Variants in BICRAL observed in about 807,000 individuals in gnomAD.
The protein encoded by BICRAL is BRD4-interacting chromatin-remodeling complex-associated protein-like.
In BICRAL, 8 loss-of-function variants were observed where a neutral mutation model predicts 91.8. The ratio of observed to expected loss-of-function variants is 0.09; its 90% CI spans 0.05 to 0.16. The LOEUF (loss-of-function observed/expected upper bound fraction) is 0.16, where lower values mean the gene tolerates loss of function less well. Among genes scored for constraint, BICRAL ranks in the 10% least tolerant of loss-of-function variants. The pLI is 1.00. For missense variants in BICRAL, 1,038 were observed against 1,310.9 expected (o/e 0.79, Z 3.21); for synonymous variants, 445 against 491.1 (o/e 0.91, Z 1.24).
At chr6:42,839,392 C>A (rs1195011149) in intron 6 of BICRAL, among the ~76,000 whole-genome samples, 1 of 152,050 alleles carries the variant, frequency 6.6e-6, no homozygotes, top group African/African-American at 2.4e-5. Flanking sequence ...GATCTTCCCA[C>A]CTCAGCCTCC....
In BICRAL at chr6:42,865,858, G is replaced by T. The variant is rs1319740410; in HGVS notation, c.*412G>T. 6.4e-6 allele frequency: 1 copy of T among 156,304 alleles called. No homozygotes were observed. Among genetic ancestry groups the T allele is most frequent in the Non-Finnish European group, 1.4e-5 (1 of 70,620 alleles). The allele number at this position is 156,304 out of a possible 1,614,324, so 9.7% of individuals were successfully genotyped here. On this transcript the variant is annotated 3_prime_UTR_variant, in exon 13 of 13. Coordinates refer to ENST00000314073, the MANE Select transcript of BICRAL (RefSeq NM_001393499.1). ...AGACTTACTAAAATCAAACGAGACG[G>T]ATAGAAGCTACTTTTTAAAGAATAT... is the stretch of plus-strand genomic sequence containing the variant.
At chr6:42,777,497 C>T (rs145509997), upstream of BICRAL, among the ~76,000 whole-genome samples, 87 of 152,200 alleles carry the variant, frequency 5.7e-4, no homozygotes, top group African/African-American at 1.7e-3. Context: ...TTATGCACAC[C>T]GATAATTTAA....
chr6:42,798,389 T>A lies in BICRAL; in HGVS notation c.-101-11917T>A, dbSNP rs557223985. On this transcript the variant is annotated intron_variant, in intron 1 of 12. Coordinates refer to ENST00000314073, the MANE Select transcript of BICRAL (RefSeq NM_001393499.1). ...ACATAAACTAGAAAAAGAAAAAAAA[T>A]TTTTTTAATTAGAAAAAAAAAGGTG... is the stretch of plus-strand genomic sequence containing the variant. Among the ~76,000 whole-genome samples, 67 of 47,800 alleles carry A rather than the reference T, an allele frequency of 1.4e-3. No homozygotes were observed. In the East Asian group the frequency reaches 0.018, roughly 12 times the overall value. The allele number at this position is 47,800 out of a possible 152,430, so 31.4% of individuals were successfully genotyped here.
chr6:42,827,637 T>TGG lies in BICRAL; in HGVS notation c.160-854_160-853dup, dbSNP rs552899794. ...CCTCACGCCTGTAATCCTAGCACTTTGGGAGGCCAAAGCAGGAGGATTACT... is the reference window on the plus strand; with the variant it reads ...CCTCACGCCTGTAATCCTAGCACTTTGGGGGAGGCCAAAGCAGGAGGATTACT... On this transcript the variant is annotated intron_variant, in intron 5 of 12. Transcript: ENST00000314073. 5.9e-5 allele frequency among the ~76,000 whole-genome samples: 9 copies of TGG among 152,358 alleles called. No homozygotes were observed. In the South Asian group the frequency reaches 1.9e-3, roughly 32 times the overall value.
intron 1 of BICRAL, among the ~76,000 whole-genome samples, chr6:42,801,737 C>A (rs1763578169): frequency 6.6e-6 from 1 of 151,564 alleles, no homozygotes; most frequent in South Asian, 2.1e-4. Flanking sequence ...CAAAAATTAT[C>A]CAGCTGTGGT....
At position 42,829,121 on chromosome 6, in the gene BICRAL, A is replaced by G. The variant is rs201246496; in HGVS notation, c.788A>G (p.Asn263Ser). 7.2e-5 allele frequency: 116 copies of G among 1,613,980 alleles called. No individual in the cohort carries two copies. Among genetic ancestry groups the G allele is most frequent in the Non-Finnish European group, 9.2e-5 (108 of 1,179,988 alleles). ...LLVHRQTPNG[N>S]SLFGNSSSSP... ...GTTCATAGACAGACTCCTAATGGCA[A>G]CTCCTTGTTTGGGAACTCTAGTTCC... Residue 263 changes from asparagine (N) to serine (S), a missense_variant, in exon 6 of 13, where the codon AAC becomes AGC. Transcript: ENST00000314073.
chr6:42,780,497 C>G (rs1762882060), upstream of BICRAL, among the ~76,000 whole-genome samples: 1 of 152,180 alleles, frequency 6.6e-6, no homozygotes, highest in African/African-American at 2.4e-5. Flanking sequence ...TGTTTATCAG[C>G]AGGATCCTAT....
In BICRAL at chr6:42,865,184, G is replaced by T; in HGVS notation, c.2978G>T (p.Gly993Val). Residue 993 changes from glycine to valine, a missense_variant, in exon 13 of 13, where the codon GGG becomes GTG. Physicochemically the swap from Gly to Val is moderately radical, Grantham distance 109. Coordinates refer to ENST00000314073, the MANE Select transcript of BICRAL (RefSeq NM_001393499.1). ...GTTTTACACACAGACATCATGAAAG[G>T]GTCAGGCGAACCCCAGCCAGATCTC... The part of the protein sequence containing the change: ...NEVLHTDIMK[G>V]SGEPQPDLQL... The T allele has an allele frequency of 6.2e-7, 1 of 1,614,158 alleles. No homozygotes were observed. Among genetic ancestry groups the T allele is most frequent in the Non-Finnish European group, 8.5e-7 (1 of 1,180,028 alleles).
Position 42,867,990 on chromosome 6 carries a change from T to C in BICRAL, c.*2544T>C, listed in dbSNP as rs1485551184. ...AAGGGTAGGAGAGCTCAGCCTCGGA[T>C]GGCCAACATTCAGTTGTTCAGGTTC... On this transcript the variant is annotated 3_prime_UTR_variant, in exon 13 of 13. Coordinates refer to ENST00000314073, the MANE Select transcript of BICRAL (RefSeq NM_001393499.1). 8 of 152,556 alleles carry C rather than the reference T, an allele frequency of 5.2e-5. No homozygotes were observed. Among genetic ancestry groups the C allele is most frequent in the African/African-American group, 1.7e-4 (7 of 41,436 alleles). 9.5% of individuals were successfully genotyped at this position (152,556 alleles called of 1,614,324 possible).
chr6:42,867,792 G>A lies in BICRAL; in HGVS notation c.*2346G>A, dbSNP rs1271435860. ...CTAACACTTGTCTAGCAAATGGAGAGCCTAATTTACCAAAATGAAACTTGT... is the reference window on the plus strand; with the variant it reads ...CTAACACTTGTCTAGCAAATGGAGAACCTAATTTACCAAAATGAAACTTGT... On this transcript the variant is annotated 3_prime_UTR_variant, in exon 13 of 13. Transcript: ENST00000314073. The A allele has an allele frequency of 6.6e-6, 1 of 152,166 alleles. No individual in the cohort carries two copies. Among genetic ancestry groups the A allele is most frequent in the Admixed American group, 6.6e-5 (1 of 15,264 alleles). The allele number at this position is 152,166 out of a possible 1,614,324, so 9.4% of individuals were successfully genotyped here.
chr6:42,770,412 ATTTTT>A (rs531644287), intron 1 of BICRAL, among the ~76,000 whole-genome samples: 38 of 126,222 alleles, frequency 3.0e-4, no homozygotes, highest in African/African-American at 1.1e-3. Flanking sequence ...TATTATTATT[ATTTTT>A]TTTTTTTTTT....
chr6:42,864,167 C>CAAAA (rs113036268), intron 12 of BICRAL, among the ~76,000 whole-genome samples: 1 of 124,986 alleles, frequency 8.0e-6, no homozygotes, highest in Non-Finnish European at 1.7e-5. Flanking sequence ...AACTCCGTCT[C>CAAAA]AAAAAAAAAA....
intron 9 of BICRAL, 70 bp from the exon 10 acceptor site, chr6:42,857,021 C>A: frequency 7.7e-7 from 1 of 1,301,048 alleles, no homozygotes; most frequent in Non-Finnish European, 1.1e-6. Flanking sequence ...TATTTGCATG[C>A]AAATAAATAT....
At chr6:42,768,181 A>G (rs773421016) in intron 1 of BICRAL, among the ~76,000 whole-genome samples, 1 of 152,242 alleles carries the variant, frequency 6.6e-6, no homozygotes, top group African/African-American at 2.4e-5. Context: ...TTACTCAAGA[A>G]TGATTTGTCT....
upstream of BICRAL, chr6:42,746,934 A>C (rs771076525): frequency 7.2e-5 from 11 of 151,830 alleles, no homozygotes; most frequent in Non-Finnish European, 1.5e-4. Context: ...GGAAGGTGAG[A>C]TCCACACCCC....
At chr6:42,802,631 G>T (rs1354907903) in intron 1 of BICRAL, among the ~76,000 whole-genome samples, 1 of 152,132 alleles carries the variant, frequency 6.6e-6, no homozygotes. Flanking sequence ...TGTATTTTTA[G>T]TAGAGACAGG....
chr6:42,794,332 G>A (rs1428494981), intron 1 of BICRAL, among the ~76,000 whole-genome samples: 1 of 151,912 alleles, frequency 6.6e-6, no homozygotes, highest in South Asian at 2.1e-4. Flanking sequence ...TTAAAAAAAA[G>A]GCTCAAGTGC....
At chr6:42,798,966 TTTAC>T (rs1763492570) in intron 1 of BICRAL, among the ~76,000 whole-genome samples, 1 of 152,218 alleles carries the variant, frequency 6.6e-6, no homozygotes, top group African/African-American at 2.4e-5. Context: ...CATTTTTTGT[TTTAC>T]TTTTCCTAAA....
At chr6:42,820,140 G>A (rs1377498763) in intron 2 of BICRAL, among the ~76,000 whole-genome samples, 1 of 152,136 alleles carries the variant, frequency 6.6e-6, no homozygotes, top group African/African-American at 2.4e-5. Flanking sequence ...CTGCCTCAGG[G>A]CTTGTTTAAC....
Sources: allele counts gnomAD v4.1 joint callset (sites outside exome capture counted in the v4.1 genomes callset), GRCh38; gene constraint gnomAD v4.1.1; transcripts MANE v1.5; gene names NCBI Gene and HGNC (gene_info 2026-07-23, HGNC 2026-07-21).